PALS2: variants seen among roughly 807,000 people sequenced by gnomAD.
PALS2 encodes protein associated with LIN7 2, MAGUK p55 family member.
In PALS2, 27 loss-of-function variants were observed where a neutral mutation model predicts 61.6. The observed-to-expected ratio is 0.44, with a 90% CI of 0.32 to 0.60. The LOEUF is 0.60. Among genes scored for constraint, PALS2 ranks in the 20% least tolerant of loss-of-function variants. The pLI is 0.05. For synonymous variants in PALS2, 236 were observed against 218.6 expected, an observed-to-expected ratio of 1.08 and a Z score of -0.70; for missense variants, 554 against 639.4, an observed-to-expected ratio of 0.87 and a Z score of 1.44.
At chr7:24,587,169 C>T (rs957220262) in intron 1 of PALS2, among the ~76,000 whole-genome samples, 4 of 151,796 alleles carry the variant, frequency 2.6e-5, no homozygotes, top group African/African-American at 7.3e-5. Context: ...CTACCTACTT[C>T]GCTATTAATT....
intron 9 of PALS2, among the ~76,000 whole-genome samples, chr7:24,674,987 C>T (rs770888551): frequency 1.3e-5 from 2 of 152,182 alleles, no homozygotes; most frequent in East Asian, 3.9e-4. Context: ...TGTAGTTGCG[C>T]AGTATAGAAG....
chr7:24,604,571 G>A (rs1783830736), intron 1 of PALS2, among the ~76,000 whole-genome samples: 1 of 152,162 alleles, frequency 6.6e-6, no homozygotes, highest in African/African-American at 2.4e-5. Flanking sequence ...AAAAATATTT[G>A]AAGTAATAGT....
At chr7:24,648,213 C>G (rs1432738957) in intron 3 of PALS2, among the ~76,000 whole-genome samples, 1 of 150,924 alleles carries the variant, frequency 6.6e-6, no homozygotes, top group Non-Finnish European at 1.5e-5. Context: ...TGTTTTTGAA[C>G]TTGAATTCTA....
intron 5 of PALS2, among the ~76,000 whole-genome samples, chr7:24,654,855 G>A (rs536931072): frequency 6.0e-5 from 9 of 150,334 alleles, no homozygotes; most frequent in Non-Finnish European, 1.3e-4. Flanking sequence ...GACTTTTAGA[G>A]AGCTCAGAAA....
intron 10 of PALS2, 92 bp from the exon 11 acceptor site, chr7:24,680,300 C>T (rs1368370814): frequency 7.8e-7 from 1 of 1,285,720 alleles, no homozygotes. Flanking sequence ...ATTCATAGAA[C>T]AAGTGCAAAC....
rs560658198 is a variant in PALS2, at chr7:24,689,332, C to G, written c.*1718C>G. The G allele has an allele frequency of 3.9e-5, 6 of 152,210 alleles. No individual in the cohort carries two copies. The highest frequency in any genetic ancestry group is 8.8e-5 in the Non-Finnish European group (6 of 68,040). 9.4% of individuals were successfully genotyped at this position (152,210 alleles called of 1,614,324 possible). A position where few individuals can be genotyped will look rare whatever the true frequency, so the allele number is the denominator to read the frequency against. On this transcript the variant is annotated 3_prime_UTR_variant, in exon 12 of 12. Coordinates refer to ENST00000222644, the MANE Select transcript of PALS2 (RefSeq NM_001303037.2). The stretch of plus-strand genomic sequence containing the variant: ...GCTTTTCATGTAAACATTATTCACA[C>G]TTTAAAGGATTAGGTGTTTAAATAT...
chr7:24,603,414 T>C (rs1478038629), intron 1 of PALS2, among the ~76,000 whole-genome samples: 5 of 152,150 alleles, frequency 3.3e-5, no homozygotes, highest in African/African-American at 1.2e-4. Flanking sequence ...TAATTTGACA[T>C]TGTGGACCAG....
chr7:24,620,477 T>G (rs192660334), intron 1 of PALS2, among the ~76,000 whole-genome samples: 9 of 152,298 alleles, frequency 5.9e-5, no homozygotes, highest in African/African-American at 2.2e-4. Flanking sequence ...ATTTCTAGAT[T>G]AAATTCCATA....
At chr7:24,586,613 T>C (rs1583832899) in intron 1 of PALS2, among the ~76,000 whole-genome samples, 1 of 152,120 alleles carries the variant, frequency 6.6e-6, no homozygotes, top group Non-Finnish European at 1.5e-5. Context: ...GTTGAATAGA[T>C]GGAAAGCTAG....
chr7:24,615,715 C>G (rs1310411655), intron 1 of PALS2, among the ~76,000 whole-genome samples: 1 of 151,994 alleles, frequency 6.6e-6, no homozygotes, highest in Non-Finnish European at 1.5e-5. Context: ...TTCTACAAGG[C>G]CAAAATAACC....
chr7:24,613,156 T>A (rs950950422), intron 1 of PALS2, among the ~76,000 whole-genome samples: 1 of 151,724 alleles, frequency 6.6e-6, no homozygotes, highest in Non-Finnish European at 1.5e-5. Flanking sequence ...GTCTTTTCTG[T>A]TTTGTTTTAA....
At chr7:24,592,909 T>C (rs1783353618) in intron 1 of PALS2, among the ~76,000 whole-genome samples, 1 of 152,064 alleles carries the variant, frequency 6.6e-6, no homozygotes, top group East Asian at 1.9e-4. Context: ...TTGTTGAAGG[T>C]TGGAGTGGCT....
Position 24,628,941 on chromosome 7 carries a change from A to G in PALS2, c.117+5157A>G, listed in dbSNP as rs556028283. Among the ~76,000 whole-genome samples, 6 of 152,324 alleles carry G rather than the reference A, an allele frequency of 3.9e-5. No homozygotes were observed. In the East Asian group the frequency reaches 9.6e-4, roughly 24 times the overall value. On this transcript the variant is annotated intron_variant, in intron 2 of 11. Coordinates refer to ENST00000222644, the MANE Select transcript of PALS2 (RefSeq NM_001303037.2). The stretch of plus-strand genomic sequence containing the variant: ...CAAAGTAATATATAATCTCAATGCT[A>G]TTCCCATCAAGCTACCATTGACTTT...
At chr7:24,684,415 C>T (rs1788091745) in intron 11 of PALS2, among the ~76,000 whole-genome samples, 1 of 152,148 alleles carries the variant, frequency 6.6e-6, no homozygotes, top group South Asian at 2.1e-4. Context: ...GCAGTAGGAG[C>T]CTATTCAACT....
intron 1 of PALS2, among the ~76,000 whole-genome samples, chr7:24,591,700 A>G (rs1783294096): frequency 6.6e-6 from 1 of 152,134 alleles, no homozygotes; most frequent in African/African-American, 2.4e-5. Context: ...ATGCAGGGTT[A>G]GGTTCCTGCA....
At chr7:24,627,260 C>G (rs1784789163) in intron 2 of PALS2, among the ~76,000 whole-genome samples, 2 of 152,186 alleles carry the variant, frequency 1.3e-5, no homozygotes, top group South Asian at 4.1e-4. Flanking sequence ...TCTTAAATGA[C>G]TACTGGGTAA....
chr7:24,588,822 T>G (rs544256583), intron 1 of PALS2, among the ~76,000 whole-genome samples: 1 of 152,322 alleles, frequency 6.6e-6, no homozygotes, highest in East Asian at 1.9e-4. Context: ...GCAAAATAAT[T>G]CATCATAATA....
intron 1 of PALS2, among the ~76,000 whole-genome samples, chr7:24,577,247 C>T (rs1350260078): frequency 1.3e-5 from 2 of 149,370 alleles, no homozygotes; most frequent in Non-Finnish European, 3.0e-5. Context: ...TGCTTTCATC[C>T]GAAAATTCTT....
intron 2 of PALS2, among the ~76,000 whole-genome samples, chr7:24,632,099 G>C (rs1785021185): frequency 6.6e-6 from 1 of 152,126 alleles, no homozygotes. Flanking sequence ...AGTTCTGTCA[G>C]ATTTTACCTC....
Sources: gnomAD v4.1 joint callset for allele counts (sites outside exome capture counted in the v4.1 genomes callset) on GRCh38, gnomAD v4.1.1 for gene constraint, MANE v1.5 for transcripts, NCBI Gene and HGNC (gene_info 2026-07-23, HGNC 2026-07-21) for gene names.